Variants in AJAP1 observed in about 807,000 individuals in gnomAD.
AJAP1 encodes the protein adherens junction-associated protein 1.
AJAP1 carries 5 observed loss-of-function variants against 35.0 expected under a neutral mutation model. The observed-to-expected ratio is 0.14, with a 90% CI of 0.07 to 0.30. The LOEUF is 0.30. Among genes scored for constraint, AJAP1 ranks in the 10% least tolerant of loss-of-function variants. The pLI, the probability that AJAP1 is intolerant of heterozygous loss-of-function variation, is 1.00. For synonymous variants in AJAP1, 284 were observed against 249.3 expected (o/e 1.14, Z -1.31); for missense variants, 586 against 571.0 (o/e 1.03, Z -0.27).
chr1:4,666,213 C>T (rs1639114621), intron 1 of AJAP1, among the ~76,000 whole-genome samples: 1 of 151,668 alleles, frequency 6.6e-6, no homozygotes, highest in African/African-American at 2.4e-5. Context: ...CCAGGAGGGG[C>T]ACCCCGCAGT....
At chr1:4,756,224 C>T (rs1400679482) in intron 2 of AJAP1, among the ~76,000 whole-genome samples, 1 of 152,132 alleles carries the variant, frequency 6.6e-6, no homozygotes, top group Admixed American at 6.5e-5. Context: ...ACATCACGGG[C>T]CCCAAAACAG....
rs1642164938 is a variant in AJAP1 at position 4,786,607 on chromosome 1, C to A, written c.*4122C>A. 1 of 152,196 alleles carries A rather than the reference C, an allele frequency of 6.6e-6. No individual in the cohort carries two copies. The highest frequency in any genetic ancestry group is 1.5e-5 in the Non-Finnish European group (1 of 68,050). The allele number at this position is 152,196 out of a possible 1,614,324, so 9.4% of individuals were successfully genotyped here. On this transcript the variant is annotated 3_prime_UTR_variant, in exon 6 of 6. Transcript: ENST00000378191. ...AAAGGTGAACGCACCAAAGGATCGA[C>A]CCTGTCACCTTGGATGGTCTCTATT...
At chr1:4,727,605 G>T (rs555558881) in intron 2 of AJAP1, among the ~76,000 whole-genome samples, 1 of 152,300 alleles carries the variant, frequency 6.6e-6, no homozygotes, top group East Asian at 1.9e-4. Context: ...CTGGGTGCCC[G>T]GAAGACCCTG....
intron 2 of AJAP1, among the ~76,000 whole-genome samples, chr1:4,742,879 G>A (rs547813282): frequency 6.6e-6 from 1 of 151,708 alleles, no homozygotes; most frequent in South Asian, 2.1e-4. Context: ...TTTTCTTTGG[G>A]TGACCCCTCC....
At chr1:4,743,993 A>T (rs998726871) in intron 2 of AJAP1, among the ~76,000 whole-genome samples, 10 of 152,184 alleles carry the variant, frequency 6.6e-5, no homozygotes, top group African/African-American at 2.2e-4. Context: ...GGTGTTTTTT[A>T]TCTGGGAGAG....
Position 4,712,159 on chromosome 1 carries a change from C to A in AJAP1, c.289C>A (p.Arg97=). ...GATCCACGGGCAGATGCAGATGCCTCGAGCCAGACGGGCCCACAGGCCCCG... is the reference window on the plus strand; with the variant it reads ...GATCCACGGGCAGATGCAGATGCCTAGAGCCAGACGGGCCCACAGGCCCCG... ...ERIHGQMQMP[R]ARRAHRPRDQ... Residue 97 remains arginine, a synonymous_variant, in exon 2 of 6, where the codon CGA becomes AGA. Transcript: ENST00000378191. 1.9e-6 allele frequency: 3 copies of A among 1,563,962 alleles called. No individual in the cohort carries two copies. The highest frequency in any genetic ancestry group is 2.3e-5 in the East Asian group (1 of 42,850).
At chr1:4,703,992 C>T (rs1308431154) in intron 1 of AJAP1, among the ~76,000 whole-genome samples, 5 of 152,190 alleles carry the variant, frequency 3.3e-5, no homozygotes, top group Non-Finnish European at 7.3e-5. Flanking sequence ...CTCCCCACAA[C>T]GCCCTGTATG....
rs1003075788 is a variant in AJAP1 at position 4,742,207 on chromosome 1, G to A, written c.830-27646G>A. Among the ~76,000 whole-genome samples, 37 of 148,730 alleles carry A rather than the reference G, an allele frequency of 2.5e-4. 1 individual carries two copies. The highest frequency in any genetic ancestry group is 2.3e-3 in the Admixed American group (34 of 14,896). On this transcript the variant is annotated intron_variant, in intron 2 of 5. Coordinates refer to ENST00000378191, the MANE Select transcript of AJAP1 (RefSeq NM_018836.4). ...ACTTTACCCTGAAGATCCTTTGCAG[G>A]CACCTCTGCCCCCTAGTGATCCAAG... is the stretch of plus-strand genomic sequence containing the variant.
chr1:4,744,625 GCACACACACACA>G (rs34180991), intron 2 of AJAP1, among the ~76,000 whole-genome samples: 5 of 149,710 alleles, frequency 3.3e-5, no homozygotes, highest in Non-Finnish European at 7.4e-5. Flanking sequence ...ACATGCATAT[GCACACACACACA>G]CACACACACA....
chr1:4,761,035 C>T (rs758400725), intron 2 of AJAP1, among the ~76,000 whole-genome samples: 3 of 152,196 alleles, frequency 2.0e-5, no homozygotes, highest in Non-Finnish European at 1.5e-5. Context: ...ATCTTGCAAA[C>T]GTGAAGTGAG....
At chr1:4,738,444 G>A (rs986367658) in intron 2 of AJAP1, among the ~76,000 whole-genome samples, 2 of 152,350 alleles carry the variant, frequency 1.3e-5, no homozygotes. Flanking sequence ...GGGGGTAGCT[G>A]GTCTGGAGCT....
intron 2 of AJAP1, among the ~76,000 whole-genome samples, chr1:4,735,754 T>G (rs912531481): frequency 6.6e-6 from 1 of 152,122 alleles, no homozygotes; most frequent in Non-Finnish European, 1.5e-5. Flanking sequence ...AGTAAGCCCC[T>G]CGACAAGCTG....
In AJAP1 at chr1:4,768,971, G is replaced by A. The variant is rs148113227; in HGVS notation, c.830-882G>A. On this transcript the variant is annotated intron_variant, in intron 2 of 5. Transcript: ENST00000378191. ...TGGTTAGCGGCAAATGTTGCAGAAGGTTTTGGGACAGAGGTGGGGGACGGG... is the reference window on the plus strand; with the variant it reads ...TGGTTAGCGGCAAATGTTGCAGAAGATTTTGGGACAGAGGTGGGGGACGGG... 3.1e-3 allele frequency among the ~76,000 whole-genome samples: 470 copies of A among 152,310 alleles called. 1 individual carries two copies. Among genetic ancestry groups the A allele is most frequent in the Non-Finnish European group, 3.9e-3 (266 of 68,020 alleles).
intron 1 of AJAP1, among the ~76,000 whole-genome samples, chr1:4,688,682 G>T (rs539514014): frequency 2.0e-5 from 3 of 149,414 alleles, no homozygotes; most frequent in East Asian, 2.0e-4. Flanking sequence ...TGAGACAGGA[G>T]AATTGCTTGA....
rs1287844136 is a variant in AJAP1 at position 4,655,158 on chromosome 1, G to C, written c.-268G>C. ...CGCTGTGCCGCCGGCGGAGGGGGCC[G>C]CGAGCCCCGCGCCCCGGCCGGAGGA... On this transcript the variant is annotated 5_prime_UTR_variant, in exon 1 of 6. Transcript: ENST00000378191. This position sits in a 1 kb window ranked among gnomAD's most constrained non-coding sequence, Gnocchi z 6.9. 2 of 148,572 alleles carry C rather than the reference G, an allele frequency of 1.3e-5. No individual in the cohort carries two copies. The highest frequency in any genetic ancestry group is 2.1e-4 in the South Asian group (1 of 4,822). The allele number at this position is 148,572 out of a possible 1,614,324, so 9.2% of individuals were successfully genotyped here.
chr1:4,779,790 G>A (rs2802718), intron 5 of AJAP1, among the ~76,000 whole-genome samples: 1 of 151,908 alleles, frequency 6.6e-6, no homozygotes, highest in East Asian at 1.9e-4. Context: ...CTGGTGGCCC[G>A]AGGATTTTTA....
intron 2 of AJAP1, among the ~76,000 whole-genome samples, chr1:4,742,327 A>G (rs1049286693): frequency 6.6e-6 from 1 of 152,150 alleles, no homozygotes; most frequent in Non-Finnish European, 1.5e-5. Context: ...TCTTTCCCCA[A>G]ATTCATAACC....
intron 2 of AJAP1, among the ~76,000 whole-genome samples, chr1:4,753,862 A>G (rs1641371312): frequency 6.6e-6 from 1 of 152,204 alleles, no homozygotes; most frequent in African/African-American, 2.4e-5. Flanking sequence ...GTGAGCCACT[A>G]CGCCTGGCCT....
At chr1:4,674,739 G>A (rs376567460) in intron 1 of AJAP1, among the ~76,000 whole-genome samples, 5 of 152,206 alleles carry the variant, frequency 3.3e-5, no homozygotes, top group African/African-American at 9.6e-5. Context: ...CTGAGGGATC[G>A]GTCGGGGCCC....
Sources: allele counts gnomAD v4.1 joint callset (sites outside exome capture counted in the v4.1 genomes callset), GRCh38; gene constraint gnomAD v4.1.1; non-coding constraint Gnocchi (gnomAD v3.1); transcripts MANE v1.5; gene names NCBI Gene and HGNC (gene_info 2026-07-23, HGNC 2026-07-21).